Variants in GRID2 observed in about 807,000 individuals in gnomAD.
GRID2 encodes glutamate ionotropic receptor delta type subunit 2, also known as glutamate receptor ionotropic, delta-2.
Under a neutral mutation model 114.8 loss-of-function variants are expected in GRID2, and 33 were observed. The observed-to-expected ratio is 0.29, with a 90% CI of 0.22 to 0.38. The LOEUF (loss-of-function observed/expected upper bound fraction) is 0.38, where lower values mean the gene tolerates loss of function less well. Among genes scored for constraint, GRID2 ranks in the 10% least tolerant of loss-of-function variants. The pLI is 1.00. For synonymous variants in GRID2, 505 were observed against 449.9 expected (o/e 1.12, Z -1.55); for missense variants, 1,184 against 1,257.7 (o/e 0.94, Z 0.89).
chr4:92,502,582 A>G (rs1308452459), intron 1 of GRID2, among the ~76,000 whole-genome samples: 1 of 152,054 alleles, frequency 6.6e-6, no homozygotes, highest in Non-Finnish European at 1.5e-5. Flanking sequence ...GTGTTTTTAA[A>G]GTAGAATTAA....
chr4:92,845,731 C>G (rs538329996), intron 2 of GRID2, among the ~76,000 whole-genome samples: 1 of 152,186 alleles, frequency 6.6e-6, no homozygotes, highest in South Asian at 2.1e-4. Flanking sequence ...ATCCCTTTGA[C>G]TATCATCCTA....
At chr4:93,416,077 C>T (rs894837822) in intron 9 of GRID2, among the ~76,000 whole-genome samples, 4 of 151,974 alleles carry the variant, frequency 2.6e-5, no homozygotes, top group African/African-American at 7.2e-5. Flanking sequence ...CGATGATCTG[C>T]TTTTCTTCTC....
intron 8 of GRID2, among the ~76,000 whole-genome samples, chr4:93,387,843 A>AG (rs1456626514): frequency 9.3e-4 from 141 of 151,816 alleles, no homozygotes; most frequent in African/African-American, 3.2e-3. Flanking sequence ...AAAAAAAAAA[A>AG]AAAGAAAGAA....
At chr4:92,346,978 G>A (rs1727798816) in intron 1 of GRID2, among the ~76,000 whole-genome samples, 1 of 152,100 alleles carries the variant, frequency 6.6e-6, no homozygotes, top group Non-Finnish European at 1.5e-5. Context: ...TAGGCTGAAT[G>A]TTTCACATTT....
At chr4:92,872,572 A>T (rs1745352165) in intron 2 of GRID2, among the ~76,000 whole-genome samples, 1 of 152,218 alleles carries the variant, frequency 6.6e-6, no homozygotes, top group Non-Finnish European at 1.5e-5. Context: ...TTTGAAAAAA[A>T]AATGTTAATA....
chr4:93,429,887 A>T (rs1381113485), intron 10 of GRID2, among the ~76,000 whole-genome samples: 1 of 152,156 alleles, frequency 6.6e-6, no homozygotes, highest in Non-Finnish European at 1.5e-5. Flanking sequence ...CATGAGAGTA[A>T]AGAATGTTTT....
At chr4:92,735,391 A>G (rs1011838729) in intron 2 of GRID2, among the ~76,000 whole-genome samples, 1 of 152,098 alleles carries the variant, frequency 6.6e-6, no homozygotes, top group Non-Finnish European at 1.5e-5. Context: ...AATTATAACA[A>G]TATACTGTAA....
At chr4:93,301,249 C>T (rs1754839088) in intron 8 of GRID2, among the ~76,000 whole-genome samples, 1 of 152,074 alleles carries the variant, frequency 6.6e-6, no homozygotes, top group African/African-American at 2.4e-5. Context: ...TCTTTACTTC[C>T]CAAATAAGCT....
chr4:93,083,714 A>C, intron 2 of GRID2, among the ~76,000 whole-genome samples: 1 of 151,898 alleles, frequency 6.6e-6, no homozygotes, highest in South Asian at 2.1e-4. Flanking sequence ...AAAAAAAAAA[A>C]AAAATACATC....
chr4:92,675,654 A>C (rs1733313220), intron 2 of GRID2, among the ~76,000 whole-genome samples: 2 of 150,602 alleles, frequency 1.3e-5, no homozygotes, highest in East Asian at 2.0e-4. Context: ...AGGGTCATGC[A>C]ATTCTCCTGC....
At chr4:93,731,504 C>T in intron 14 of GRID2, among the ~76,000 whole-genome samples, 1 of 152,192 alleles carries the variant, frequency 6.6e-6, no homozygotes, top group East Asian at 1.9e-4. Context: ...AATTTGTCCC[C>T]TGAATGCCCT....
At chr4:93,735,319 C>CT (rs1323540048) in intron 14 of GRID2, among the ~76,000 whole-genome samples, 3 of 151,986 alleles carry the variant, frequency 2.0e-5, no homozygotes, top group Admixed American at 1.3e-4. Context: ...TCAAAAAGGA[C>CT]TTTTTCTTTT....
intron 2 of GRID2, among the ~76,000 whole-genome samples, chr4:92,947,809 CAT>C (rs1335657056): frequency 6.6e-6 from 1 of 151,760 alleles, no homozygotes; most frequent in East Asian, 1.9e-4. Flanking sequence ...GCATCTGCAT[CAT>C]ATATATCACA....
At chr4:92,750,197 CTA>C (rs575464288) in intron 2 of GRID2, among the ~76,000 whole-genome samples, 249 of 152,260 alleles carry the variant, frequency 1.6e-3, no homozygotes, top group African/African-American at 5.9e-3. Context: ...CACCAACCAA[CTA>C]TAGAATGTGA....
At chr4:93,344,720 T>G (rs542141331) in intron 8 of GRID2, among the ~76,000 whole-genome samples, 14 of 151,174 alleles carry the variant, frequency 9.3e-5, no homozygotes, top group Middle Eastern at 3.5e-3. Flanking sequence ...TCTCTTGAAC[T>G]TATTCATCCT....
chr4:92,389,100 T>C (rs1411042825), intron 1 of GRID2, among the ~76,000 whole-genome samples: 2 of 152,050 alleles, frequency 1.3e-5, no homozygotes, highest in Non-Finnish European at 2.9e-5. Flanking sequence ...ATAATGTTGA[T>C]AGTTTAGGAA....
intron 11 of GRID2, among the ~76,000 whole-genome samples, chr4:93,462,942 G>A (rs1723891062): frequency 6.6e-6 from 1 of 152,074 alleles, no homozygotes; most frequent in African/African-American, 2.4e-5. Context: ...CCCATGACAG[G>A]TTAACTCGAC....
Position 93,216,795 on chromosome 4 carries a change from A to T in GRID2, c.847A>T (p.Ile283Phe), listed in dbSNP as rs760787098. 1 of 1,612,746 alleles carries T rather than the reference A, an allele frequency of 6.2e-7. No individual in the cohort carries two copies. The highest frequency in any genetic ancestry group is 2.2e-5 in the East Asian group (1 of 44,854). ...AAGAAGGTCAATTGGAAGGTTAACG[A>T]TTATTCGGCAGACATTTCCAGTTCC... Reference protein sequence around the residue: ...LVRRSIGRLTIIRQTFPVPQN... With the variant: ...LVRRSIGRLTFIRQTFPVPQN... Residue 283 changes from isoleucine to phenylalanine, a missense_variant, in exon 6 of 16, where the codon ATT (isoleucine) becomes TTT (phenylalanine). This residue lies in a region of GRID2 where 455 missense variants were observed against 429.5 expected (regional missense o/e 1.06). Coordinates refer to ENST00000282020, the MANE Select transcript of GRID2 (RefSeq NM_001510.4).
At chr4:92,601,465 A>C (rs779425340) in intron 2 of GRID2, among the ~76,000 whole-genome samples, 1 of 152,212 alleles carries the variant, frequency 6.6e-6, no homozygotes, top group African/African-American at 2.4e-5. Flanking sequence ...GCAGAAATCA[A>C]GAAGTTCTTT....
Sources: allele counts gnomAD v4.1 joint callset (sites outside exome capture counted in the v4.1 genomes callset), GRCh38; gene constraint gnomAD v4.1.1; regional missense constraint gnomAD v4.1.1; transcripts MANE v1.5; gene names NCBI Gene and HGNC (gene_info 2026-07-23, HGNC 2026-07-21).